Variants in ALDH1L1 observed in about 807,000 individuals in gnomAD.
The protein encoded by ALDH1L1 is cytosolic 10-formyltetrahydrofolate dehydrogenase.
ALDH1L1 carries 68 observed loss-of-function variants against 101.1 expected under a neutral mutation model. That is an observed-to-expected ratio of 0.67 (90% confidence interval 0.55 to 0.82). The LOEUF is 0.82. Ranked by LOEUF, ALDH1L1 falls within the 40% of genes least tolerant of loss-of-function variation. The probability of loss-of-function intolerance (pLI) is 0.00; values close to 1 mark genes in which losing one functional copy is unlikely to be tolerated. For missense variants in ALDH1L1, 1,087 were observed against 1,172.7 expected, an observed-to-expected ratio of 0.93 and a Z score of 1.07; for synonymous variants, 486 against 470.8, an observed-to-expected ratio of 1.03 and a Z score of -0.42.
intron 1 of ALDH1L1, among the ~76,000 whole-genome samples, chr3:126,188,629 C>A (rs567338424): frequency 2.0e-5 from 3 of 152,098 alleles, no homozygotes; most frequent in African/African-American, 4.8e-5. Context: ...TCCCACTTAC[C>A]GTCATTTTAG....
intron 6 of ALDH1L1, 133 bp from the exon 7 acceptor site, chr3:126,153,714 G>T: frequency 1.7e-6 from 2 of 1,183,116 alleles, no homozygotes; most frequent in Non-Finnish European, 2.3e-6. Context: ...CCGGCTCAAA[G>T]CCCATGTGAC....
intron 9 of ALDH1L1, among the ~76,000 whole-genome samples, chr3:126,140,725 T>C (rs1399207278): frequency 1.3e-5 from 2 of 152,080 alleles, no homozygotes; most frequent in Non-Finnish European, 2.9e-5. Context: ...TCAAACTACC[T>C]TGTTATAAAT....
chr3:126,159,222 GCACA>G (rs143177704), intron 2 of ALDH1L1, among the ~76,000 whole-genome samples: 56 of 147,870 alleles, frequency 3.8e-4, no homozygotes, highest in South Asian at 8.6e-4. Context: ...ACACATGCGT[GCACA>G]CACACACACA....
At chr3:126,180,338 G>A (rs2081451392) in intron 1 of ALDH1L1, 138 bp downstream of exon 1, 4 of 620,206 alleles carry the variant, frequency 6.4e-6, no homozygotes, top group Non-Finnish European at 8.1e-6. Context: ...CAGCGGCGAA[G>A]TTGATGGGCC....
intron 1 of ALDH1L1, among the ~76,000 whole-genome samples, chr3:126,169,015 C>T (rs545932671): frequency 1.8e-4 from 28 of 152,162 alleles, no homozygotes; most frequent in Middle Eastern, 3.4e-3. Flanking sequence ...AGCTGTGAAA[C>T]TTTAACAAGC....
In ALDH1L1 at chr3:126,105,889, C is replaced by T. The variant is rs768885925; in HGVS notation, c.2490G>A (p.Thr830=). ...AGACACCAGAAGCCAGGCCAAATTC[C>T]GTGGCATTGGCCCGAGACAGCACGG... ...LDAVLSRANA[T]EFGLASGVFT... is the part of the protein sequence containing the mutation. The change falls in exon 22 of 23, where the codon ACG becomes ACA. Residue 830 remains threonine (T), a synonymous_variant. Coordinates refer to ENST00000393434, the MANE Select transcript of ALDH1L1 (RefSeq NM_012190.4). 49 of 1,614,142 alleles carry T rather than the reference C, an allele frequency of 3.0e-5. No homozygotes were observed. The highest frequency in any genetic ancestry group is 1.3e-4 in the Admixed American group (8 of 60,026).
intron 1 of ALDH1L1, among the ~76,000 whole-genome samples, chr3:126,193,283 A>T (rs1012197345): frequency 1.3e-5 from 2 of 152,144 alleles, no homozygotes; most frequent in African/African-American, 4.8e-5. Flanking sequence ...TAAGAGAAAA[A>T]CAGACCTAGT....
chr3:126,141,362 C>T (rs1397933968), intron 9 of ALDH1L1, among the ~76,000 whole-genome samples: 1 of 152,040 alleles, frequency 6.6e-6, no homozygotes, highest in Non-Finnish European at 1.5e-5. Context: ...ACAAACCAAT[C>T]AGATATGTAC....
chr3:126,140,783 A>C (rs1435271864), intron 9 of ALDH1L1, among the ~76,000 whole-genome samples: 1 of 152,084 alleles, frequency 6.6e-6, no homozygotes, highest in Admixed American at 6.5e-5. Context: ...AAATAACTAA[A>C]AACATACAGT....
At chr3:126,131,931 T>C (rs1391902989) in intron 12 of ALDH1L1, among the ~76,000 whole-genome samples, 3 of 152,262 alleles carry the variant, frequency 2.0e-5, no homozygotes, top group Admixed American at 1.3e-4. Context: ...TCCATCTGTC[T>C]TTCCAGCACC....
At chr3:126,117,260 A>G (rs12497376) in intron 17 of ALDH1L1, among the ~76,000 whole-genome samples, 48,493 of 150,974 alleles carry the variant, frequency 0.32, 7,908 homozygotes, top group African/African-American at 0.38. Context: ...AAAACCTGAA[A>G]AGAAGCAGGT....
In ALDH1L1 at chr3:126,116,034, G is replaced by T. The variant is rs112296807; in HGVS notation, c.1983-1378C>A. On this transcript the variant is annotated intron_variant, in intron 17 of 22. Coordinates refer to ENST00000393434, the MANE Select transcript of ALDH1L1 (RefSeq NM_012190.4). ...AATATAGGCATATACCACCACACCT[G>T]GCTATTTTTTTTTTTTTTTGTATTT... 9.2e-3 allele frequency among the ~76,000 whole-genome samples: 1,257 copies of T among 135,984 alleles called. 5 individuals carry two copies. The highest frequency in any genetic ancestry group is 0.014 in the Non-Finnish European group (914 of 66,476). 89.2% of individuals were successfully genotyped at this position (135,984 alleles called of 152,430 possible). A position where few individuals can be genotyped will look rare whatever the true frequency, so the allele number is the denominator to read the frequency against.
chr3:126,137,936 C>A lies in ALDH1L1; in HGVS notation c.1101G>T (p.Leu367=), dbSNP rs1483151349. 50 of 1,614,048 alleles carry A rather than the reference C, an allele frequency of 3.1e-5. No individual in the cohort carries two copies. The Admixed American group carries it at 8.3e-4, about 27-fold the overall frequency. The change falls in exon 10 of 23, where the codon CTG becomes CTT. Residue 367 remains leucine (L), a synonymous_variant. Transcript: ENST00000393434. ...VVRLVEEVKE[L]CDGLELENED... is the part of the protein sequence containing the mutation. ...CATTTTCTAACTCCAGGCCATCACACAGCTCCTTCACTTCCTCCACCAGCC... is the reference window on the plus strand; with the variant it reads ...CATTTTCTAACTCCAGGCCATCACAAAGCTCCTTCACTTCCTCCACCAGCC...
chr3:126,191,710 G>A (rs971592784), intron 1 of ALDH1L1, among the ~76,000 whole-genome samples: 2 of 152,130 alleles, frequency 1.3e-5, no homozygotes, highest in African/African-American at 4.8e-5. Context: ...TATTCTTTTG[G>A]AAACCCTTTC....
At chr3:126,185,232 C>A (rs977686571), upstream of ALDH1L1, among the ~76,000 whole-genome samples, 2 of 152,228 alleles carry the variant, frequency 1.3e-5, no homozygotes, top group Non-Finnish European at 2.9e-5. Flanking sequence ...CATGCCAAAT[C>A]TAACCTGGGG....
At chr3:126,155,041 G>C (rs2080877556) in intron 5 of ALDH1L1, among the ~76,000 whole-genome samples, 1 of 152,150 alleles carries the variant, frequency 6.6e-6, no homozygotes, top group African/African-American at 2.4e-5. Flanking sequence ...TCCTCCACTG[G>C]CTATTGCTCC....
intron 16 of ALDH1L1, among the ~76,000 whole-genome samples, chr3:126,121,790 C>T (rs930973006): frequency 1.3e-5 from 2 of 152,318 alleles, no homozygotes; most frequent in African/African-American, 2.4e-5. Context: ...CAGGTGTGGC[C>T]AGGAAGGCAG....
At chr3:126,104,786 G>A (rs1304886071) in intron 22 of ALDH1L1, 1 of 152,832 alleles carries the variant, frequency 6.5e-6, no homozygotes, top group Admixed American at 6.5e-5. Flanking sequence ...GGGGAGGAGA[G>A]AAAACTGGAA....
intron 17 of ALDH1L1, among the ~76,000 whole-genome samples, chr3:126,117,167 C>G (rs2108201290): frequency 6.6e-6 from 1 of 150,878 alleles, no homozygotes; most frequent in African/African-American, 2.4e-5. Flanking sequence ...ATCGCATGAG[C>G]CAGGGAGGCA....
Sources: allele counts gnomAD v4.1 joint callset (sites outside exome capture counted in the v4.1 genomes callset), GRCh38; gene constraint gnomAD v4.1.1; transcripts MANE v1.5; gene names NCBI Gene and HGNC (gene_info 2026-07-23, HGNC 2026-07-21).